Variants in ALDH8A1 observed in about 807,000 individuals in gnomAD.
ALDH8A1 encodes the protein aldehyde dehydrogenase 8 family member A1.
In ALDH8A1, 39 loss-of-function variants were observed where a neutral mutation model predicts 43.3. That is an observed-to-expected ratio of 0.90 (90% CI 0.70 to 1.18). The LOEUF (loss-of-function observed/expected upper bound fraction) is 1.18. Ranked by LOEUF, ALDH8A1 falls within the 50% of genes most tolerant of loss-of-function variation. The pLI, the probability that ALDH8A1 is intolerant of heterozygous loss-of-function variation, is 0.00. For synonymous variants in ALDH8A1, 233 were observed against 243.5 expected (o/e 0.96, Z 0.40); for missense variants, 605 against 622.6 (o/e 0.97, Z 0.30).
At chr6:134,932,411 C>T (rs898000195) in intron 5 of ALDH8A1, among the ~76,000 whole-genome samples, 2 of 152,066 alleles carry the variant, frequency 1.3e-5, no homozygotes, top group African/African-American at 2.4e-5. Context: ...GGGAATAGGA[C>T]ATTTGAACGA....
chr6:134,946,002 C>T (rs1004284658), intron 1 of ALDH8A1, among the ~76,000 whole-genome samples: 6 of 152,156 alleles, frequency 3.9e-5, no homozygotes, highest in East Asian at 1.9e-4. Flanking sequence ...TCTCGCCTGC[C>T]GCCAGACATG....
At chr6:134,935,471 C>T (rs1023943073) in intron 4 of ALDH8A1, among the ~76,000 whole-genome samples, 5 of 152,182 alleles carry the variant, frequency 3.3e-5, no homozygotes, top group Non-Finnish European at 7.3e-5. Context: ...AGAAATGGTT[C>T]ATGAATGGGG....
intron 6 of ALDH8A1, among the ~76,000 whole-genome samples, chr6:134,926,619 G>A (rs1776887909): frequency 6.8e-6 from 1 of 146,900 alleles, no homozygotes; most frequent in Non-Finnish European, 1.5e-5. Flanking sequence ...GATCACCCTG[G>A]CCAACATGGT....
At chr6:134,923,667 C>T (rs952446044) in intron 6 of ALDH8A1, among the ~76,000 whole-genome samples, 1 of 152,098 alleles carries the variant, frequency 6.6e-6, no homozygotes, top group African/African-American at 2.4e-5. Flanking sequence ...TAGGGCTTTG[C>T]CAATATTTCA....
At chr6:134,947,655 C>T (rs1483479084) in intron 1 of ALDH8A1, among the ~76,000 whole-genome samples, 3 of 151,856 alleles carry the variant, frequency 2.0e-5, no homozygotes, top group African/African-American at 7.3e-5. Context: ...TGCTTAACAT[C>T]ACTAATTATT....
chr6:134,925,596 A>G (rs1050074857), intron 6 of ALDH8A1, among the ~76,000 whole-genome samples: 1 of 152,254 alleles, frequency 6.6e-6, no homozygotes, highest in Non-Finnish European at 1.5e-5. Flanking sequence ...TTCACCCAAC[A>G]AATACTATGC....
rs1476061977 is a variant in ALDH8A1, at chr6:134,942,324, C to A, written c.442+85G>T. ...AATATCAGCTCTTCCTTTTCTTTAA[C>A]CTGTTCCTTGAGGACAATGCCATAG... is the stretch of plus-strand genomic sequence containing the variant. On this transcript the variant is annotated intron_variant, in intron 3 of 6. Coordinates refer to ENST00000265605, the MANE Select transcript of ALDH8A1 (RefSeq NM_022568.4). The A allele has an allele frequency of 1.1e-5, 16 of 1,409,200 alleles. No individual in the cohort carries two copies. The South Asian group carries it at 2.0e-4, about 18-fold the overall frequency. 87.3% of individuals were successfully genotyped at this position (1,409,200 alleles called of 1,614,324 possible). A position where few individuals can be genotyped will look rare whatever the true frequency, so the allele number is the denominator to read the frequency against.
chr6:134,918,531 T>C lies in ALDH8A1; in HGVS notation c.1348A>G (p.Ile450Val), dbSNP rs779885024. The change falls in exon 7 of 7, where the codon ATC becomes GTC. Residue 450 changes from isoleucine (I) to valine (V), a missense_variant. Coordinates refer to ENST00000265605, the MANE Select transcript of ALDH8A1 (RefSeq NM_022568.4). ...CCGAAAGGAAGGTTCAGCTCCCTGA[T>C]GAGCCAGCAGTTGGTCCAGACCAAG... ...SGLVWTNCWLIRELNLPFGGM... is the reference protein window; with the variant it reads ...SGLVWTNCWLVRELNLPFGGM... The C allele has an allele frequency of 2.1e-5, 34 of 1,614,092 alleles. No homozygotes were observed.
chr6:134,941,004 G>T (rs78061689), intron 3 of ALDH8A1, among the ~76,000 whole-genome samples: 1,748 of 152,224 alleles, frequency 0.011, 37 homozygotes, highest in African/African-American at 0.039. Context: ...CTAAAAAGAT[G>T]ATTTTTTTCT....
chr6:134,920,625 T>G (rs1478654516), intron 6 of ALDH8A1, among the ~76,000 whole-genome samples: 1 of 152,154 alleles, frequency 6.6e-6, no homozygotes, highest in African/African-American at 2.4e-5. Context: ...AACTGTGAAC[T>G]TATCAAAACA....
chr6:134,928,842 AT>A (rs1776929104), intron 6 of ALDH8A1, among the ~76,000 whole-genome samples: 2 of 152,266 alleles, frequency 1.3e-5, no homozygotes, highest in East Asian at 3.9e-4. Flanking sequence ...AAGTTCATTA[AT>A]TTCATGTGGA....
Position 134,943,832 on chromosome 6 carries a change from C to T in ALDH8A1, c.273G>A (p.Glu91=), listed in dbSNP as rs572268290. 1.2e-6 allele frequency: 2 copies of T among 1,614,148 alleles called. No homozygotes were observed. Among genetic ancestry groups the T allele is most frequent in the South Asian group, 2.2e-5 (2 of 91,048 alleles). Residue 91 remains glutamate, a synonymous_variant, in exon 2 of 7, where the codon GAG becomes GAA. Transcript: ENST00000265605. ...GGCAACTCTCACCTTGGTCTTTAGA[C>T]TCGGCCTGGGCAAACTCCTCCAGGG... The part of the protein sequence containing the change: ...EQSLEEFAQA[E]SKDQGKTLAL...
intron 1 of ALDH8A1, among the ~76,000 whole-genome samples, chr6:134,949,047 G>GA (rs1197850800): frequency 6.6e-6 from 1 of 150,640 alleles, no homozygotes; most frequent in Non-Finnish European, 1.5e-5. Context: ...TAACAAAAAA[G>GA]AAAAAAAATA....
chr6:134,921,049 A>G (rs575193390), intron 6 of ALDH8A1, among the ~76,000 whole-genome samples: 16 of 152,354 alleles, frequency 1.1e-4, no homozygotes, highest in African/African-American at 3.4e-4. Flanking sequence ...AAGATTTAGC[A>G]TGACGCCTAG....
chr6:134,918,923 C>G, intron 6 of ALDH8A1, 56 bp from the exon 7 acceptor site: 1 of 1,549,874 alleles, frequency 6.5e-7, no homozygotes, highest in Non-Finnish European at 8.8e-7. Flanking sequence ...TCACACAAAT[C>G]AGCAGAAAAT....
chr6:134,929,049 C>T lies in ALDH8A1; in HGVS notation c.1011+5G>A, dbSNP rs1776932964. 2 of 1,613,024 alleles carry T rather than the reference C, an allele frequency of 1.2e-6. No individual in the cohort carries two copies. Among genetic ancestry groups the T allele is most frequent in the Middle Eastern group, 1.7e-4 (1 of 6,054 alleles). On this transcript the variant is annotated splice_donor_5th_base_variant and intron_variant, in intron 6 of 6. Coordinates refer to ENST00000265605, the MANE Select transcript of ALDH8A1 (RefSeq NM_022568.4). Reference sequence around the variant, plus strand: ...CTGTAACTTACATGGCAGAAATTTACTTACTTTCTCCAAATGTGCTTTACT... The same window carrying T: ...CTGTAACTTACATGGCAGAAATTTATTTACTTTCTCCAAATGTGCTTTACT...
intron 6 of ALDH8A1, 76 bp from the exon 7 acceptor site, chr6:134,918,943 T>G: frequency 2.0e-6 from 3 of 1,464,538 alleles, no homozygotes; most frequent in Non-Finnish European, 2.8e-6. Context: ...TTCAATGTTT[T>G]CTAATCATCT....
chr6:134,935,077 TCTC>T (rs1297235474), intron 4 of ALDH8A1, among the ~76,000 whole-genome samples: 4 of 152,184 alleles, frequency 2.6e-5, no homozygotes, highest in Admixed American at 1.3e-4. Context: ...AAGTACTTGT[TCTC>T]CGCTTTGGGC....
chr6:134,932,032 A>G (rs1776993960), intron 5 of ALDH8A1, among the ~76,000 whole-genome samples: 1 of 152,186 alleles, frequency 6.6e-6, no homozygotes, highest in South Asian at 2.1e-4. Context: ...CTCTCTGTTA[A>G]AATAAAAATA....
Sources: allele counts gnomAD v4.1 joint callset (sites outside exome capture counted in the v4.1 genomes callset), GRCh38; gene constraint gnomAD v4.1.1; transcripts MANE v1.5; gene names NCBI Gene and HGNC (gene_info 2026-07-23, HGNC 2026-07-21).